PLA2R1: variants seen among roughly 807,000 people sequenced by gnomAD.
The protein encoded by PLA2R1 is secretory phospholipase A2 receptor.
A neutral mutation model predicts 195.9 loss-of-function variants in PLA2R1; 158 were observed. The ratio of observed to expected loss-of-function variants is 0.81; its 90% CI spans 0.71 to 0.92. The LOEUF is 0.92. PLA2R1 is among the 40% of genes least tolerant of loss of function. The pLI is 0.00. For missense variants in PLA2R1, 1,626 were observed against 1,764.6 expected (o/e 0.92, Z 1.41); for synonymous variants, 586 against 598.2 (o/e 0.98, Z 0.30).
At chr2:160,033,842 G>A (rs775233370) in intron 3 of PLA2R1, among the ~76,000 whole-genome samples, 1 of 152,118 alleles carries the variant, frequency 6.6e-6, no homozygotes, top group African/African-American at 2.4e-5. Context: ...CAAACTCCAA[G>A]GTGAACTAAG....
chr2:159,924,653 C>T, the PLA2R1 span, among the ~76,000 whole-genome samples: 1 of 143,052 alleles, frequency 7.0e-6, no homozygotes, highest in Non-Finnish European at 1.5e-5. Context: ...GCTTTGGGCA[C>T]CAAATGCCAA....
chr2:159,923,992 A>C, the PLA2R1 span, among the ~76,000 whole-genome samples: 101,860 of 152,000 alleles, frequency 0.67, 36,525 homozygotes, highest in East Asian at 0.81. Context: ...GTCCAAAATC[A>C]GGTATCATTG....
In PLA2R1 at chr2:160,062,200, C is replaced by G. The variant is rs1011243923; in HGVS notation, c.109+95G>C. 11 of 1,015,710 alleles carry G rather than the reference C, an allele frequency of 1.1e-5. No homozygotes were observed. In the African/African-American group the frequency reaches 1.9e-4, roughly 17 times the overall value. 62.9% of individuals were successfully genotyped at this position (1,015,710 alleles called of 1,614,324 possible). On this transcript the variant is annotated intron_variant, in intron 1 of 29. Coordinates refer to ENST00000283243, the MANE Select transcript of PLA2R1 (RefSeq NM_007366.5). ...AAACGCGGCCGCCCTTGCCCGCCAG[C>G]TTGGCCCCTAGCTTCGCCCCTTCTT...
intron 17 of PLA2R1, among the ~76,000 whole-genome samples, chr2:159,972,076 A>G (rs112452361): frequency 1.6e-4 from 25 of 152,282 alleles, no homozygotes; most frequent in African/African-American, 5.8e-4. Context: ...CGGGACTGGA[A>G]ATCATGGCCT....
Position 159,946,927 on chromosome 2 carries a change from A to C in PLA2R1, c.3851-10T>G. On this transcript the variant is annotated splice_polypyrimidine_tract_variant and intron_variant, in intron 26 of 29. Coordinates refer to ENST00000283243, the MANE Select transcript of PLA2R1 (RefSeq NM_007366.5). ...GTTAAAAGATTAGAACCTATAAGAG[A>C]GACAAGTAGCAAAGGAATATTTGTG... is the stretch of plus-strand genomic sequence containing the variant. 6.6e-7 allele frequency: 1 copy of C among 1,518,332 alleles called. No individual in the cohort carries two copies. 94.1% of individuals were successfully genotyped at this position (1,518,332 alleles called of 1,614,324 possible). A position where few individuals can be genotyped will look rare whatever the true frequency, so the allele number is the denominator to read the frequency against.
chr2:159,945,180 ATTTT>A (rs1687304917), intron 27 of PLA2R1, 98 bp from the exon 28 acceptor site: 6 of 581,936 alleles, frequency 1.0e-5, no homozygotes, highest in Middle Eastern at 4.5e-4. Context: ...GAATTTTTTT[ATTTT>A]TTTATTTTTA....
chr2:159,986,821 A>C (rs1210563873), intron 12 of PLA2R1, among the ~76,000 whole-genome samples: 1 of 151,998 alleles, frequency 6.6e-6, no homozygotes, highest in East Asian at 1.9e-4. Flanking sequence ...TCCTGACTTC[A>C]AGTGAGCCGC....
chr2:160,018,633 A>AAAACAAAC lies in PLA2R1; in HGVS notation c.1452+1465_1452+1472dup, dbSNP rs59379239. Among the ~76,000 whole-genome samples the AAAACAAAC allele has an allele frequency of 7.1e-3, 1,071 of 150,630 alleles. 7 individuals carry two copies. The highest frequency in any genetic ancestry group is 9.9e-3 in the Admixed American group (149 of 15,126). ...GGTGACAGAGTGAGACTCTGTCTCA[A>AAAACAAAC]AAACAAACAAACAAACAAACAAACA... is the stretch of plus-strand genomic sequence containing the variant. On this transcript the variant is annotated intron_variant, in intron 8 of 29. Transcript: ENST00000283243.
chr2:159,996,672 T>C (rs770547018), intron 11 of PLA2R1, among the ~76,000 whole-genome samples: 31 of 152,134 alleles, frequency 2.0e-4, no homozygotes, highest in Non-Finnish European at 2.8e-4. Flanking sequence ...GATATTCCCA[T>C]TACACAGTTT....
At chr2:160,045,502 C>A (rs1694803065) in intron 1 of PLA2R1, among the ~76,000 whole-genome samples, 1 of 152,186 alleles carries the variant, frequency 6.6e-6, no homozygotes, top group Admixed American at 6.5e-5. Context: ...TAATAATACT[C>A]AGGGCTCCCG....
chr2:159,971,310 A>T (rs761787640), intron 17 of PLA2R1, among the ~76,000 whole-genome samples: 32 of 152,212 alleles, frequency 2.1e-4, no homozygotes, highest in Non-Finnish European at 3.8e-4. Flanking sequence ...GAATAAAGGT[A>T]GTAAAAATTA....
chr2:160,054,672 A>C (rs1695421938), intron 1 of PLA2R1, among the ~76,000 whole-genome samples: 1 of 152,166 alleles, frequency 6.6e-6, no homozygotes, highest in Non-Finnish European at 1.5e-5. Context: ...TCTAATCATA[A>C]TTTTCTAATT....
chr2:160,017,410 G>A (rs933098672), intron 8 of PLA2R1, among the ~76,000 whole-genome samples: 4 of 152,210 alleles, frequency 2.6e-5, no homozygotes, highest in African/African-American at 9.6e-5. Context: ...GAGTGCTGAC[G>A]CCTCTCTTCA....
At chr2:159,991,795 A>T (rs1690821729) in intron 11 of PLA2R1, among the ~76,000 whole-genome samples, 1 of 119,876 alleles carries the variant, frequency 8.3e-6, no homozygotes, top group South Asian at 2.9e-4. Flanking sequence ...ACATGAACTC[A>T]TCATTTTTTA....
chr2:159,986,000 G>A lies in PLA2R1; in HGVS notation c.2037+1156C>T, dbSNP rs953316165. Among the ~76,000 whole-genome samples the A allele has an allele frequency of 4.6e-5, 7 of 152,062 alleles. No homozygotes were observed. In the South Asian group the frequency reaches 8.3e-4, roughly 18 times the overall value. On this transcript the variant is annotated intron_variant, in intron 12 of 29. Coordinates refer to ENST00000283243, the MANE Select transcript of PLA2R1 (RefSeq NM_007366.5). ...TGGGATATAAAACCCCGAGAGAAGC[G>A]CTTTGGGGAGCCCTCAGCTGTCATG...
In PLA2R1 at chr2:160,020,102, T is replaced by A. The variant is rs1162678114; in HGVS notation, c.1452+4A>T. 1 of 1,610,312 alleles carries A rather than the reference T, an allele frequency of 6.2e-7. No homozygotes were observed. The highest frequency in any genetic ancestry group is 8.5e-7 in the Non-Finnish European group (1 of 1,178,034). The stretch of plus-strand genomic sequence containing the variant: ...GTGAGCACTGAACAAATGAATCAAC[T>A]TACAGACTGCTCTGCTGAGACACAC... On this transcript the variant is annotated splice_donor_region_variant and intron_variant, in intron 8 of 29. Coordinates refer to ENST00000283243, the MANE Select transcript of PLA2R1 (RefSeq NM_007366.5).
chr2:160,018,926 C>T (rs55860731), intron 8 of PLA2R1, among the ~76,000 whole-genome samples: 58,210 of 152,084 alleles, frequency 0.38, 13,920 homozygotes, highest in Non-Finnish European at 0.53. Flanking sequence ...ACTGCCTCTT[C>T]GGAGAACCTG....
chr2:160,008,572 T>C (rs193100548), intron 10 of PLA2R1, among the ~76,000 whole-genome samples: 22 of 152,234 alleles, frequency 1.4e-4, no homozygotes, highest in Admixed American at 9.8e-4. Context: ...GACCTAAACA[T>C]GAGAGCTAAA....
chr2:159,929,177 C>G (rs192556060), downstream of PLA2R1, among the ~76,000 whole-genome samples: 511 of 152,300 alleles, frequency 3.4e-3, 4 homozygotes, highest in African/African-American at 0.012. Flanking sequence ...TAAAGAGCTT[C>G]TGCACAGCAA....
Sources: gnomAD v4.1 joint callset for allele counts (sites outside exome capture counted in the v4.1 genomes callset) on GRCh38, gnomAD v4.1.1 for gene constraint, MANE v1.5 for transcripts, NCBI Gene and HGNC (gene_info 2026-07-23, HGNC 2026-07-21) for gene names.